USP9Y: variants seen among roughly 807,000 people sequenced by gnomAD.
The protein encoded by USP9Y is ubiquitin carboxyl-terminal hydrolase 9Y.
USP9Y carries 41 observed loss-of-function variants against 53.1 expected under a neutral mutation model. That is an observed-to-expected ratio of 0.77 (90% CI 0.60 to 1.00). USP9Y has a LOEUF of 1.00. Among genes scored for constraint, USP9Y ranks in the 50% least tolerant of loss-of-function variants. The pLI is 0.00. For missense variants in USP9Y, 567 were observed against 535.8 expected (o/e 1.06, Z -0.58); for synonymous variants, 220 against 173.7 (o/e 1.27, Z -2.09).
intron 42 of USP9Y, among the ~76,000 whole-genome samples, chrY:12,851,815 T>A: frequency 3.0e-5 from 1 of 33,463 alleles, no homozygotes; most frequent in African/African-American, 1.2e-4. Context: ...GGTTGAAAAT[T>A]CTTTTCTTTA....
At chrY:12,766,042 C>G in intron 15 of USP9Y, among the ~76,000 whole-genome samples, 1 of 33,620 alleles carries the variant, frequency 3.0e-5, no homozygotes, top group Non-Finnish European at 7.4e-5. Context: ...AACCGTTAAC[C>G]CATCCGGTTT....
At chrY:12,819,714 A>G in intron 33 of USP9Y, among the ~76,000 whole-genome samples, 1 of 31,731 alleles carries the variant, frequency 3.2e-5, no homozygotes, top group Non-Finnish European at 7.6e-5. Context: ...TGTATATATT[A>G]TATATAATTA....
intron 45 of USP9Y, among the ~76,000 whole-genome samples, chrY:12,858,967 C>G (rs780587876): frequency 3.0e-5 from 1 of 33,445 alleles, no homozygotes; most frequent in Admixed American, 2.7e-4. Flanking sequence ...CCACCTTGGC[C>G]TCCCAAAATG....
At chrY:12,754,229 G>A in intron 12 of USP9Y, among the ~76,000 whole-genome samples, 1 of 28,828 alleles carries the variant, frequency 3.5e-5, no homozygotes, top group Non-Finnish European at 8.1e-5. Flanking sequence ...GTGTGTGTGT[G>A]TGTATGTATT....
chrY:12,804,850 C>T, intron 27 of USP9Y, among the ~76,000 whole-genome samples: 1 of 31,092 alleles, frequency 3.2e-5, no homozygotes. Context: ...CCCAGCTACT[C>T]GGGAGGCTGA....
intron 12 of USP9Y, among the ~76,000 whole-genome samples, chrY:12,746,555 T>C: frequency 3.0e-5 from 1 of 33,553 alleles, no homozygotes; most frequent in Non-Finnish European, 7.4e-5. Flanking sequence ...TCTTTTTCAG[T>C]TTGCTTAAAC....
chrY:12,842,485 T>A lies in USP9Y; in HGVS notation c.6438+20T>A. On this transcript the variant is annotated intron_variant, in intron 38 of 45. Coordinates refer to ENST00000338981, the MANE Select transcript of USP9Y (RefSeq NM_004654.4). Reference sequence around the variant, plus strand: ...AGTCAGGTAATTGCATGGCTTTTTTTTTTTTTTAAGCAATTAAATACTTAG... The same window carrying A: ...AGTCAGGTAATTGCATGGCTTTTTTATTTTTTTAAGCAATTAAATACTTAG... 2.7e-6 allele frequency: 1 copy of A among 367,605 alleles called. No homozygotes were observed. Among genetic ancestry groups the A allele is most frequent in the Non-Finnish European group, 3.9e-6 (1 of 258,529 alleles). 91.7% of individuals were successfully genotyped at this position (367,605 alleles called of 400,897 possible). A position where few individuals can be genotyped will look rare whatever the true frequency, so the allele number is the denominator to read the frequency against.
At chrY:12,850,527 G>C in intron 42 of USP9Y, among the ~76,000 whole-genome samples, 1 of 28,696 alleles carries the variant, frequency 3.5e-5, no homozygotes, top group Non-Finnish European at 8.2e-5. Context: ...CTTGCCTTCT[G>C]CTAGCTTTTG....
intron 15 of USP9Y, among the ~76,000 whole-genome samples, chrY:12,761,752 C>G (rs2053475522): frequency 3.0e-5 from 1 of 33,768 alleles, no homozygotes; most frequent in Non-Finnish European, 7.3e-5. Context: ...ACATTAGTAT[C>G]TGTGGAATTC....
intron 33 of USP9Y, among the ~76,000 whole-genome samples, chrY:12,823,409 T>C (rs985799874): frequency 3.0e-5 from 1 of 33,594 alleles, no homozygotes; most frequent in Non-Finnish European, 7.3e-5. Context: ...GAGTTGTTCC[T>C]GGTCTTAGAG....
Position 12,729,759 on chromosome Y carries a change from A to C in USP9Y, c.657+2966A>C, listed in dbSNP as rs926654306. On this transcript the variant is annotated intron_variant, in intron 7 of 45. Coordinates refer to ENST00000338981, the MANE Select transcript of USP9Y (RefSeq NM_004654.4). ...TGCTGTTGATTCCTAGTTTCCTTGC[A>C]TCCTGATCTGGAAAGATAGTTTGTA... 9.3e-4 allele frequency among the ~76,000 whole-genome samples: 31 copies of C among 33,290 alleles called. No homozygotes were observed. In the East Asian group the frequency reaches 0.013, roughly 14 times the overall value. The allele number at this position is 33,290 out of a possible 37,273, so 89.3% of individuals were successfully genotyped here.
At chrY:12,803,498 C>T in intron 27 of USP9Y, 1 of 33,801 alleles carries the variant, frequency 3.0e-5, no homozygotes. Context: ...TTCTGGCTGG[C>T]AGCAGACAAC....
chrY:12,710,451 G>A, intron 3 of USP9Y, among the ~76,000 whole-genome samples: 2 of 31,854 alleles, frequency 6.3e-5, no homozygotes, highest in African/African-American at 2.4e-4. Flanking sequence ...ATTCCCATTT[G>A]TGTGTTTTTT....
intron 6 of USP9Y, among the ~76,000 whole-genome samples, chrY:12,725,475 G>T (rs1603196303): frequency 3.0e-5 from 1 of 33,411 alleles, no homozygotes; most frequent in Non-Finnish European, 7.4e-5. Flanking sequence ...TTCATCAAAT[G>T]CAAGATAGTA....
At chrY:12,719,128 C>A (rs2053433205) in intron 3 of USP9Y, among the ~76,000 whole-genome samples, 1 of 34,004 alleles carries the variant, frequency 2.9e-5, no homozygotes, top group African/African-American at 1.1e-4. Flanking sequence ...GAAATGAGGT[C>A]AATTCTATAC....
chrY:12,786,378 T>C (rs1463348898), intron 23 of USP9Y, 45 bp downstream of exon 23: 2 of 391,459 alleles, frequency 5.1e-6, no homozygotes, highest in Non-Finnish European at 7.2e-6. Context: ...TATTATACGG[T>C]AATGTGAAGA....
chrY:12,725,225 T>C lies in USP9Y; in HGVS notation c.438T>C (p.His146=). 2.7e-6 allele frequency: 1 copy of C among 370,770 alleles called. No individual in the cohort carries two copies. Among genetic ancestry groups the C allele is most frequent in the East Asian group, 9.3e-5 (1 of 10,702 alleles). 92.5% of individuals were successfully genotyped at this position (370,770 alleles called of 400,897 possible). ...TGAGTGGCTGGAAGTTTGAAATTCA[T>C]GTGAGTCTTGTATTTCATTTCTGGG... is the stretch of plus-strand genomic sequence containing the variant. ...EAVSGWKFEI[H]RCIINNTHRL... is the part of the protein sequence containing the mutation. Residue 146 remains histidine, a splice_region_variant and synonymous_variant, in exon 6 of 46, where the codon CAT becomes CAC. Transcript: ENST00000338981.
intron 12 of USP9Y, among the ~76,000 whole-genome samples, chrY:12,750,011 G>C (rs1056626320): frequency 1.2e-4 from 4 of 33,211 alleles, no homozygotes; most frequent in Non-Finnish European, 3.0e-4. Flanking sequence ...CTTCCAATCA[G>C]GGAACATACA....
rs747355658 is a variant in USP9Y at position 12,722,127 on chromosome Y, G to C, written c.265G>C (p.Val89Leu). The C allele has an allele frequency of 2.5e-6, 1 of 394,391 alleles. No individual in the cohort carries two copies. Among genetic ancestry groups the C allele is most frequent in the African/African-American group, 6.5e-5 (1 of 15,401 alleles). The change falls in exon 5 of 46, where the codon GTT (valine) becomes CTT (leucine). Residue 89 changes from valine to leucine, a missense_variant. Coordinates refer to ENST00000338981, the MANE Select transcript of USP9Y (RefSeq NM_004654.4). The part of the protein sequence containing the change: ...MINRPRWVVP[V>L]LPKGELEVLL... ...CCTTAGGCCTCGATGGGTGGTTCCT[G>C]TTTTGCCAAAAGGGGAATTAGAAGT...
Sources: gnomAD v4.1 joint callset for allele counts (sites outside exome capture counted in the v4.1 genomes callset) on GRCh38, gnomAD v4.1.1 for gene constraint, MANE v1.5 for transcripts, NCBI Gene and HGNC (gene_info 2026-07-23, HGNC 2026-07-21) for gene names.